The following REV3L variants were observed in gnomAD, a reference collection of about 807,000 sequenced individuals.
REV3L encodes the protein REV3 like, DNA directed polymerase zeta catalytic subunit.
A neutral mutation model predicts 299.4 loss-of-function variants in REV3L; 69 were observed. That is an observed-to-expected ratio of 0.23 (90% CI 0.19 to 0.28). REV3L has a LOEUF of 0.28. REV3L is among the 10% of genes least tolerant of loss of function. The pLI is 1.00. For synonymous variants in REV3L, 1,238 were observed against 1,271.4 expected (o/e 0.97, Z 0.56); for missense variants, 3,128 against 3,693.8 (o/e 0.85, Z 3.97).
chr6:111,365,335 GT>G lies in REV3L; in HGVS notation c.6682del (p.Thr2228HisfsTer4), dbSNP rs1216912719. 10 of 1,563,950 alleles carry G rather than the reference GT, an allele frequency of 6.4e-6. No individual in the cohort carries two copies. Among genetic ancestry groups the G allele is most frequent in the South Asian group, 2.4e-5 (2 of 82,468 alleles). ...TCCTTTCTTATTACTCAACTTCTGT[GT>G]TTTTGGTTCTGTAGAAAGAAATTTA... Reference protein sequence around the residue: ...GLSPLSTEPKTQKLSNKKGSN... With the variant: ...GLSPLSTEPKXQKLSNKKGSN... On this transcript the variant is annotated frameshift_variant, in exon 15 of 32. Coordinates refer to ENST00000368802, the MANE Select transcript of REV3L (RefSeq NM_001372078.1). LOFTEE classifies it high-confidence loss of function.
chr6:111,307,475 A>C lies in REV3L; in HGVS notation c.9138T>G (p.Asp3046Glu). ...TACAGATGCCATGCTGAGTTAGGTC[A>C]TCACACACAGGACAGTGTAAGGTAG... Reference protein sequence around the residue: ...YFTTLHCPVCDDLTQHGICSK... With the variant: ...YFTTLHCPVCEDLTQHGICSK... The change falls in exon 31 of 32, where the codon GAT becomes GAG. Residue 3046 changes from aspartate (D) to glutamate (E), a missense_variant. Coordinates refer to ENST00000368802, the MANE Select transcript of REV3L (RefSeq NM_001372078.1). The C allele has an allele frequency of 6.2e-7, 1 of 1,614,222 alleles. No homozygotes were observed.
At chr6:111,430,763 G>A in intron 1 of REV3L, 1 of 1,596,504 alleles carries the variant, frequency 6.3e-7, no homozygotes, top group Non-Finnish European at 8.6e-7. Flanking sequence ...TTTAGAGAGA[G>A]CGCAGGAGCA....
At chr6:111,447,903 T>C (rs754566981) in intron 1 of REV3L, among the ~76,000 whole-genome samples, 3 of 152,240 alleles carry the variant, frequency 2.0e-5, no homozygotes, top group Admixed American at 6.5e-5. Context: ...ACTGTGTTCA[T>C]TGAGTATTGA....
At position 111,426,403 on chromosome 6, in the gene REV3L, A is replaced by G. The variant is rs182539028; in HGVS notation, c.140-9931T>C. Among the ~76,000 whole-genome samples the G allele has an allele frequency of 2.6e-5, 4 of 152,346 alleles. No homozygotes were observed. In the East Asian group the frequency reaches 7.7e-4, roughly 29 times the overall value. On this transcript the variant is annotated intron_variant, in intron 1 of 31. Transcript: ENST00000368802. ...CTCCTTATAAACAATGAAGATATGT[A>G]TAATGTCCTCACATCTCCCCTTTAT... is the stretch of plus-strand genomic sequence containing the variant.
Position 111,299,558 on chromosome 6 carries a change from C to CGTT in REV3L, c.*455_*457dup, listed in dbSNP as rs1161388325. Reference sequence around the variant, plus strand: ...AAAAATCATTGCACATTATTTTGCTCGTTTGAAAAGTAAAAAAGTGTATTT... The same window carrying CGTT: ...AAAAATCATTGCACATTATTTTGCTCGTTGTTTGAAAAGTAAAAAAGTGTATTT... On this transcript the variant is annotated 3_prime_UTR_variant, in exon 32 of 32. Transcript: ENST00000368802. The CGTT allele has an allele frequency of 6.5e-6, 1 of 152,686 alleles. No homozygotes were observed. The highest frequency in any genetic ancestry group is 1.5e-5 in the Non-Finnish European group (1 of 68,142). The allele number at this position is 152,686 out of a possible 1,614,324, so 9.5% of individuals were successfully genotyped here. A position where few individuals can be genotyped will look rare whatever the true frequency, so the allele number is the denominator to read the frequency against.
intron 6 of REV3L, among the ~76,000 whole-genome samples, chr6:111,389,811 A>C (rs1219240349): frequency 7.7e-6 from 1 of 129,592 alleles, no homozygotes; most frequent in East Asian, 2.3e-4. Context: ...ATCTTGGCCC[A>C]CTGCAACCTC....
At chr6:111,335,022 A>C (rs899744029) in intron 22 of REV3L, among the ~76,000 whole-genome samples, 3 of 152,162 alleles carry the variant, frequency 2.0e-5, no homozygotes, top group African/African-American at 4.8e-5. Context: ...AATTACTTAG[A>C]TATGAATTAA....
At chr6:111,395,569 T>C (rs947135726) in intron 4 of REV3L, among the ~76,000 whole-genome samples, 1 of 152,204 alleles carries the variant, frequency 6.6e-6, no homozygotes. Context: ...AATCTGCAAC[T>C]TTACTAAATT....
chr6:111,373,472 C>G lies in REV3L; in HGVS notation c.4883G>C (p.Gly1628Ala). ...DDSPIFFSDPGFESCYSLEDS... is the reference protein window; with the variant it reads ...DDSPIFFSDPAFESCYSLEDS... ...TTCAAGTGAGTAACAACTTTCAAAG[C>G]CTGGATCTGAAAAAAAGATGGGACT... Residue 1628 changes from glycine to alanine, a missense_variant, in exon 13 of 32, where the codon GGC (glycine) becomes GCC (alanine). Around this residue, in one of 9 missense-constraint regions of REV3L, gnomAD observed 2,409 missense variants for 2,611.8 expected, o/e 0.92. Transcript: ENST00000368802. 6.2e-7 allele frequency: 1 copy of G among 1,613,110 alleles called. No individual in the cohort carries two copies. The highest frequency in any genetic ancestry group is 8.5e-7 in the Non-Finnish European group (1 of 1,179,764).
chr6:111,387,907 T>C lies in REV3L; in HGVS notation c.954A>G (p.Leu318=). ...ILKQNDFSVT[L]SGSVDYSDGS... is the part of the protein sequence containing the mutation. ...CATCGCTGTAGTCCACAGATCCTGATAATGTTCTGCTTAATTAAAACATAT... is the reference window on the plus strand; with the variant it reads ...CATCGCTGTAGTCCACAGATCCTGACAATGTTCTGCTTAATTAAAACATAT... Residue 318 remains leucine, a synonymous_variant, in exon 9 of 32, where the codon TTA becomes TTG. Coordinates refer to ENST00000368802, the MANE Select transcript of REV3L (RefSeq NM_001372078.1). 2 of 1,613,904 alleles carry C rather than the reference T, an allele frequency of 1.2e-6. No homozygotes were observed. Among genetic ancestry groups the C allele is most frequent in the Non-Finnish European group, 8.5e-7 (1 of 1,179,838 alleles).
In REV3L at chr6:111,392,927, C is replaced by T; in HGVS notation, c.611G>A (p.Gly204Glu). 6.2e-7 allele frequency: 1 copy of T among 1,612,664 alleles called. No individual in the cohort carries two copies. The highest frequency in any genetic ancestry group is 1.1e-5 in the South Asian group (1 of 91,048). ...ATGSCKNHLS[G>E]NSLADTLFRW... ...AAATAAAGTATCAGCAAGAGAATTT[C>T]CTGATAAATGATTCTTGCAGGATCC... The change falls in exon 5 of 32, where the codon GGA becomes GAA. Residue 204 changes from glycine to glutamate, a missense_variant. Gly to Glu is a moderately conservative substitution (Grantham distance 98, BLOSUM62 -2). Transcript: ENST00000368802.
intron 1 of REV3L, among the ~76,000 whole-genome samples, chr6:111,416,876 AAT>A (rs1409079933): frequency 1.3e-5 from 2 of 152,206 alleles, no homozygotes; most frequent in Admixed American, 6.5e-5. Flanking sequence ...TCTTGGCATT[AAT>A]GTTTTCAAAC....
At chr6:111,472,142 T>C in intron 1 of REV3L, 1 of 1,266,626 alleles carries the variant, frequency 7.9e-7, no homozygotes, top group Non-Finnish European at 1.0e-6. Context: ...GGTTTTATTC[T>C]GAAATGAAAT....
intron 1 of REV3L, chr6:111,471,882 G>A (rs1792262120): frequency 3.2e-6 from 1 of 310,832 alleles, no homozygotes; most frequent in Non-Finnish European, 5.2e-6. Context: ...GGGCAAAGGA[G>A]TCACAGAAGG....
chr6:111,438,019 T>TA (rs1787795307), intron 1 of REV3L, among the ~76,000 whole-genome samples: 1 of 151,148 alleles, frequency 6.6e-6, no homozygotes, highest in Admixed American at 6.6e-5. Context: ...GCCTAATTTT[T>TA]TTTTTTTTAT....
At chr6:111,399,016 C>G (rs150674104) in intron 4 of REV3L, among the ~76,000 whole-genome samples, 70 of 152,116 alleles carry the variant, frequency 4.6e-4, no homozygotes, top group African/African-American at 1.6e-3. Flanking sequence ...TAAACACTTC[C>G]GATATTCTGA....
At chr6:111,465,745 CA>C (rs376561912) in intron 1 of REV3L, among the ~76,000 whole-genome samples, 155 of 76,846 alleles carry the variant, frequency 2.0e-3, no homozygotes, top group African/African-American at 7.6e-3. Context: ...AAACAAAAAC[CA>C]AAAAAAAAAA....
At position 111,422,659 on chromosome 6, in the gene REV3L, TATAC is replaced by T. The variant is rs1374550319; in HGVS notation, c.140-6191_140-6188del. Among the ~76,000 whole-genome samples the T allele has an allele frequency of 1.9e-3, 67 of 36,128 alleles. 3 individuals carry two copies. Among genetic ancestry groups the T allele is most frequent in the Non-Finnish European group, 5.0e-3 (55 of 11,024 alleles). The allele number at this position is 36,128 out of a possible 152,430, so 23.7% of individuals were successfully genotyped here. ...ATATATATATATATACATATATATA[TATAC>T]ATATATATATATATACGTATATATA... On this transcript the variant is annotated intron_variant, in intron 1 of 31. Transcript: ENST00000368802.
chr6:111,338,259 A>C (rs906314333), intron 21 of REV3L, among the ~76,000 whole-genome samples: 2 of 142,558 alleles, frequency 1.4e-5, no homozygotes, highest in African/African-American at 5.3e-5. Context: ...GTTTCGGAAA[A>C]TGTGTTTTAA....
Sources: allele counts gnomAD v4.1 joint callset (sites outside exome capture counted in the v4.1 genomes callset), GRCh38; gene constraint gnomAD v4.1.1; regional missense constraint gnomAD v4.1.1; transcripts MANE v1.5; gene names NCBI Gene and HGNC (gene_info 2026-07-23, HGNC 2026-07-21).